The following PPM1L variants were observed in gnomAD, a reference collection of about 807,000 sequenced individuals.
The protein encoded by PPM1L is protein phosphatase 1L.
A neutral mutation model predicts 31.4 loss-of-function variants in PPM1L; 13 were observed. That is an observed-to-expected ratio of 0.41 (90% CI 0.27 to 0.66). The LOEUF (loss-of-function observed/expected upper bound fraction) is 0.66, where lower values mean the gene tolerates loss of function less well. Ranked by LOEUF, PPM1L falls within the 30% of genes least tolerant of loss-of-function variation. The pLI is 0.29. For synonymous variants in PPM1L, 184 were observed against 175.4 expected, an observed-to-expected ratio of 1.05 and a Z score of -0.39; for missense variants, 326 against 453.7, an observed-to-expected ratio of 0.72 and a Z score of 2.56.
chr3:160,971,595 A>G (rs2108116848), intron 2 of PPM1L, among the ~76,000 whole-genome samples: 1 of 152,352 alleles, frequency 6.6e-6, no homozygotes, highest in Admixed American at 6.5e-5. Context: ...GAAAATCATG[A>G]GAGAACCCGT....
At chr3:160,878,884 CA>C (rs1712606307) in intron 1 of PPM1L, among the ~76,000 whole-genome samples, 1 of 152,188 alleles carries the variant, frequency 6.6e-6, no homozygotes, top group Admixed American at 6.5e-5. Context: ...CATCTGAACA[CA>C]TTTCATTTAT....
intron 1 of PPM1L, among the ~76,000 whole-genome samples, chr3:160,767,369 G>A (rs747485881): frequency 6.6e-6 from 1 of 152,002 alleles, no homozygotes; most frequent in South Asian, 2.1e-4. Context: ...AAGTAGCTGG[G>A]ACTACAGGCG....
chr3:160,786,208 T>TATACACATATATATATATATA (rs1491553702), intron 1 of PPM1L, among the ~76,000 whole-genome samples: 1 of 30,472 alleles, frequency 3.3e-5, no homozygotes, highest in Admixed American at 5.2e-4. Flanking sequence ...TATATATATA[T>TATACACATATATATATATATA]TTTTTTTTTT....
At chr3:160,962,420 T>G (rs1715998831) in intron 2 of PPM1L, among the ~76,000 whole-genome samples, 1 of 152,182 alleles carries the variant, frequency 6.6e-6, no homozygotes, top group Admixed American at 6.6e-5. Context: ...AATGAAGTCA[T>G]GGACAGAACT....
At chr3:161,046,541 A>G (rs1353729717) in intron 2 of PPM1L, among the ~76,000 whole-genome samples, 4 of 152,186 alleles carry the variant, frequency 2.6e-5, no homozygotes, top group African/African-American at 9.7e-5. Flanking sequence ...TCCTTCTGAA[A>G]CTATTCCAAT....
intron 2 of PPM1L, among the ~76,000 whole-genome samples, chr3:160,989,896 C>T (rs1409069398): frequency 6.6e-6 from 1 of 152,130 alleles, no homozygotes; most frequent in Non-Finnish European, 1.5e-5. Flanking sequence ...AACTCCTGGT[C>T]TCAAGCAATC....
chr3:160,766,322 T>C (rs1415591929), intron 1 of PPM1L, among the ~76,000 whole-genome samples: 1 of 152,186 alleles, frequency 6.6e-6, no homozygotes, highest in Non-Finnish European at 1.5e-5. Context: ...CGAAATCTCA[T>C]CTTGTATTGT....
At chr3:160,989,081 A>G (rs545608982) in intron 2 of PPM1L, among the ~76,000 whole-genome samples, 1 of 152,236 alleles carries the variant, frequency 6.6e-6, no homozygotes, top group African/African-American at 2.4e-5. Flanking sequence ...ATAGAAACAA[A>G]TAAGACAATC....
At chr3:160,923,223 A>G (rs1576716587) in intron 1 of PPM1L, among the ~76,000 whole-genome samples, 1 of 152,226 alleles carries the variant, frequency 6.6e-6, no homozygotes, top group Non-Finnish European at 1.5e-5. Context: ...CACTATAGAT[A>G]TCATAGTAAA....
At chr3:161,053,810 A>G (rs956409213) in intron 2 of PPM1L, among the ~76,000 whole-genome samples, 13 of 152,250 alleles carry the variant, frequency 8.5e-5, no homozygotes, top group Admixed American at 2.6e-4. Context: ...ACCTAAATCT[A>G]GAATTAAACT....
At chr3:160,960,828 A>G (rs1301034822) in intron 1 of PPM1L, among the ~76,000 whole-genome samples, 2 of 152,126 alleles carry the variant, frequency 1.3e-5, no homozygotes, top group African/African-American at 4.8e-5. Flanking sequence ...TTAACTAGCA[A>G]TGGGATTCTC....
chr3:161,003,504 T>C (rs1468229988), intron 2 of PPM1L, among the ~76,000 whole-genome samples: 3 of 151,430 alleles, frequency 2.0e-5, no homozygotes, highest in Non-Finnish European at 3.0e-5. Flanking sequence ...TTGTATCCTC[T>C]TTTATTTCGT....
chr3:161,014,389 T>C (rs1718005805), intron 2 of PPM1L, among the ~76,000 whole-genome samples: 1 of 152,164 alleles, frequency 6.6e-6, no homozygotes, highest in Non-Finnish European at 1.5e-5. Flanking sequence ...ATGTTAGTTG[T>C]TTTTATATCT....
intron 1 of PPM1L, among the ~76,000 whole-genome samples, chr3:160,899,645 CTTAT>C (rs1400773257): frequency 1.3e-5 from 2 of 152,008 alleles, no homozygotes; most frequent in Non-Finnish European, 2.9e-5. Flanking sequence ...TGGCTCATGA[CTTAT>C]TTAATAGTTG....
Position 161,069,299 on chromosome 3 carries a change from A to G in PPM1L, c.*142A>G. On this transcript the variant is annotated 3_prime_UTR_variant, in exon 4 of 4. Transcript: ENST00000498165. ...CCCCCTCCCTGGTGGTCTTAGGTCTATAATCAGTGACGAACAGAGGGTGCC... is the reference window on the plus strand; with the variant it reads ...CCCCCTCCCTGGTGGTCTTAGGTCTGTAATCAGTGACGAACAGAGGGTGCC... 1 of 680,080 alleles carries G rather than the reference A, an allele frequency of 1.5e-6. No homozygotes were observed. Among genetic ancestry groups the G allele is most frequent in the Non-Finnish European group, 2.4e-6 (1 of 411,992 alleles). The allele number at this position is 680,080 out of a possible 1,614,324, so 42.1% of individuals were successfully genotyped here. A position where few individuals can be genotyped will look rare whatever the true frequency, so the allele number is the denominator to read the frequency against.
chr3:160,893,584 A>G (rs1334913833), intron 1 of PPM1L, among the ~76,000 whole-genome samples: 1 of 152,184 alleles, frequency 6.6e-6, no homozygotes, highest in Non-Finnish European at 1.5e-5. Context: ...ATTATCCTGT[A>G]CCCCTGATGC....
At chr3:161,024,280 A>AC (rs1158515643) in intron 2 of PPM1L, among the ~76,000 whole-genome samples, 2 of 151,962 alleles carry the variant, frequency 1.3e-5, no homozygotes, top group African/African-American at 4.8e-5. Flanking sequence ...AAAAAAAAAA[A>AC]AAGATTTTTG....
Position 160,905,280 on chromosome 3 carries a change from A to G in PPM1L, c.400-56456A>G, listed in dbSNP as rs144357401. On this transcript the variant is annotated intron_variant, in intron 1 of 3. Coordinates refer to ENST00000498165, the MANE Select transcript of PPM1L (RefSeq NM_139245.4). ...ATTGTGGCCCTACTTTGATACCACT[A>G]TCTAATTATAGAGAGCATATTTTGC... Among the ~76,000 whole-genome samples, 702 of 152,318 alleles carry G rather than the reference A, an allele frequency of 4.6e-3. 7 individuals carry two copies. The highest frequency in any genetic ancestry group is 0.016 in the African/African-American group (646 of 41,582).
chr3:160,773,097 G>A (rs1711500172), intron 1 of PPM1L, among the ~76,000 whole-genome samples: 1 of 152,168 alleles, frequency 6.6e-6, no homozygotes, highest in Non-Finnish European at 1.5e-5. Context: ...TGTGGTAGGT[G>A]TATGTTAACT....
Sources: gnomAD v4.1 joint callset for allele counts (sites outside exome capture counted in the v4.1 genomes callset) on GRCh38, gnomAD v4.1.1 for gene constraint, MANE v1.5 for transcripts, NCBI Gene and HGNC (gene_info 2026-07-23, HGNC 2026-07-21) for gene names.